Variants in GNA11 observed in about 807,000 individuals in gnomAD.
The protein encoded by GNA11 is guanine nucleotide-binding protein subunit alpha-11.
A neutral mutation model predicts 38.2 loss-of-function variants in GNA11; 8 were observed. That is an observed-to-expected ratio of 0.21 (90% CI 0.12 to 0.38). GNA11 has a LOEUF of 0.38. GNA11 is among the 10% of genes least tolerant of loss of function. The pLI is 1.00. For missense variants in GNA11, 268 were observed against 516.3 expected (o/e 0.52, Z 4.66); for synonymous variants, 211 against 221.4 (o/e 0.95, Z 0.42).
intron 1 of GNA11, among the ~76,000 whole-genome samples, chr19:3,105,078 G>C (rs1423630403): frequency 1.3e-5 from 2 of 149,486 alleles, no homozygotes; most frequent in African/African-American, 4.9e-5. Flanking sequence ...GTGTGGCCTC[G>C]TGGCAGGGAG....
chr19:3,102,369 G>A (rs1913526579), intron 1 of GNA11, among the ~76,000 whole-genome samples: 1 of 152,200 alleles, frequency 6.6e-6, no homozygotes, highest in South Asian at 2.1e-4. Flanking sequence ...CGCTGCCCCT[G>A]GCTGTCATGC....
In GNA11 at chr19:3,110,350, C is replaced by T. The variant is rs904056028; in HGVS notation, c.321+17C>T. On this transcript the variant is annotated intron_variant, in intron 2 of 6. Coordinates refer to ENST00000078429, the MANE Select transcript of GNA11 (RefSeq NM_002067.5). The surrounding 1 kb of genome is among the most constrained non-coding windows in gnomAD (Gnocchi z 5.4). ...CAGAACAAGGTGAGCCCGCGGGCGC[C>T]TGGGGAGGGGAGCGCCTGGGCAGCT... 3 of 1,594,194 alleles carry T rather than the reference C, an allele frequency of 1.9e-6. No individual in the cohort carries two copies. The highest frequency in any genetic ancestry group is 4.5e-5 in the East Asian group (2 of 44,450).
chr19:3,121,252 G>C lies in GNA11; in HGVS notation c.*73G>C. 1 of 1,248,698 alleles carries C rather than the reference G, an allele frequency of 8.0e-7. No homozygotes were observed. The highest frequency in any genetic ancestry group is 1.5e-5 in the African/African-American group (1 of 66,998). 77.4% of individuals were successfully genotyped at this position (1,248,698 alleles called of 1,614,324 possible). A position where few individuals can be genotyped will look rare whatever the true frequency, so the allele number is the denominator to read the frequency against. ...CTTCCACGGAGCCTGCGGCTGCCGG[G>C]CGGGTGGCGCTGCCGAGTCCGGGCC... On this transcript the variant is annotated 3_prime_UTR_variant, in exon 7 of 7. Coordinates refer to ENST00000078429, the MANE Select transcript of GNA11 (RefSeq NM_002067.5).
chr19:3,118,829 G>A lies in GNA11; in HGVS notation c.606-95G>A, dbSNP rs746676401. The A allele has an allele frequency of 1.9e-4, 209 of 1,122,532 alleles. 1 individual carries two copies. Among genetic ancestry groups the A allele is most frequent in the Admixed American group, 4.8e-4 (27 of 56,726 alleles). 69.5% of individuals were successfully genotyped at this position (1,122,532 alleles called of 1,614,324 possible). Reference sequence around the variant, plus strand: ...TCCTGCTCCAGCCGATGTCAGTCTGGTGTGGCAGGAGGGGCTTGGGTGGGA... The same window carrying A: ...TCCTGCTCCAGCCGATGTCAGTCTGATGTGGCAGGAGGGGCTTGGGTGGGA... On this transcript the variant is annotated intron_variant, in intron 4 of 6. Transcript: ENST00000078429.
intron 4 of GNA11, among the ~76,000 whole-genome samples, chr19:3,115,691 G>C (rs977519228): frequency 3.6e-4 from 55 of 150,892 alleles, no homozygotes; most frequent in African/African-American, 1.3e-3. Flanking sequence ...TGGTGCGGGA[G>C]GGGTCATAGG....
At chr19:3,105,277 G>A (rs376520230) in intron 1 of GNA11, among the ~76,000 whole-genome samples, 71 of 152,140 alleles carry the variant, frequency 4.7e-4, no homozygotes, top group Admixed American at 7.8e-4. Flanking sequence ...TTTTGTCACC[G>A]TCTCAGTCAG....
chr19:3,099,736 T>C (rs1480378254), intron 1 of GNA11, among the ~76,000 whole-genome samples: 1 of 152,186 alleles, frequency 6.6e-6, no homozygotes, highest in African/African-American at 2.4e-5. Flanking sequence ...TGGTCTCTGC[T>C]GTGGGGGTTC....
intron 1 of GNA11, among the ~76,000 whole-genome samples, chr19:3,104,220 G>C (rs1048165640): frequency 6.6e-6 from 1 of 152,222 alleles, no homozygotes; most frequent in Admixed American, 6.5e-5. Flanking sequence ...CTTTCCCACC[G>C]GGGAAAAGGA....
At chr19:3,109,307 C>T (rs918334207) in intron 1 of GNA11, among the ~76,000 whole-genome samples, 27 of 152,302 alleles carry the variant, frequency 1.8e-4, no homozygotes, top group East Asian at 1.2e-3. Flanking sequence ...GTGTGGGGGG[C>T]TCATCTGGAG....
In GNA11 at chr19:3,094,691, G is replaced by A; in HGVS notation, c.40G>A (p.Glu14Lys). The A allele has an allele frequency of 6.4e-7, 1 of 1,573,850 alleles. No individual in the cohort carries two copies. Among genetic ancestry groups the A allele is most frequent in the East Asian group, 2.5e-5 (1 of 40,276 alleles). ...ESMMACCLSDEVKESKRINAE... is the reference protein window; with the variant it reads ...ESMMACCLSDKVKESKRINAE... ...CATGATGGCGTGTTGCCTGAGCGAT[G>A]AGGTGAAGGAGTCCAAGCGGATCAA... The change falls in exon 1 of 7, where the codon GAG (glutamate) becomes AAG (lysine). Residue 14 changes from glutamate to lysine, a missense_variant. Glu to Lys is a moderately conservative substitution (Grantham distance 56). This residue lies in a region of GNA11 where 151 missense variants were observed against 254.0 expected (regional missense o/e 0.59). Transcript: ENST00000078429. This position sits in a 1 kb window ranked among gnomAD's most constrained non-coding sequence, Gnocchi z 6.0.
intron 1 of GNA11, among the ~76,000 whole-genome samples, chr19:3,095,524 C>A (rs1014546114): frequency 6.6e-6 from 1 of 151,608 alleles, no homozygotes; most frequent in Non-Finnish European, 1.5e-5. Flanking sequence ...GCCCTGTACA[C>A]CCCCCCATCC....
intron 1 of GNA11, among the ~76,000 whole-genome samples, chr19:3,106,203 G>A (rs530201272): frequency 3.9e-4 from 59 of 152,242 alleles, no homozygotes; most frequent in East Asian, 1.4e-3. Flanking sequence ...GCTGACCAGG[G>A]CCCTGGATGT....
chr19:3,121,803 T>C lies in GNA11; in HGVS notation c.*624T>C. On this transcript the variant is annotated 3_prime_UTR_variant, in exon 7 of 7. Transcript: ENST00000078429. ...GACTCCTGAAGAGGGGGTGGGGGGC[T>C]CCCTCGGTCGCCCACCCTGGGAAGT... The C allele has an allele frequency of 6.0e-6, 1 of 165,622 alleles. No homozygotes were observed. Among genetic ancestry groups the C allele is most frequent in the Non-Finnish European group, 1.3e-5 (1 of 76,894 alleles). The allele number at this position is 165,622 out of a possible 1,614,324, so 10.3% of individuals were successfully genotyped here.
rs760497682 is a variant in GNA11 at position 3,103,519 on chromosome 19, C to CTTTTTTTTTTTT, written c.137-6610_137-6599dup. ...TGAGCCACTGCGCCCGGCCTTGAAT[C>CTTTTTTTTTTTT]TTTTTTTTTTTTTTTTTTTTTTTTT... On this transcript the variant is annotated intron_variant, in intron 1 of 6. Transcript: ENST00000078429. Among the ~76,000 whole-genome samples the CTTTTTTTTTTTT allele has an allele frequency of 1.8e-3, 83 of 45,814 alleles. 21 individuals are homozygous for CTTTTTTTTTTTT. The highest frequency in any genetic ancestry group is 2.5e-3 in the Non-Finnish European group (64 of 25,132). 30.1% of individuals were successfully genotyped at this position (45,814 alleles called of 152,430 possible).
In GNA11 at chr19:3,110,484, T is replaced by G; in HGVS notation, c.321+151T>G. The G allele has an allele frequency of 1.6e-6, 1 of 626,308 alleles. No individual in the cohort carries two copies. Among genetic ancestry groups the G allele is most frequent in the South Asian group, 2.0e-5 (1 of 50,306 alleles). 38.8% of individuals were successfully genotyped at this position (626,308 alleles called of 1,614,324 possible). A position where few individuals can be genotyped will look rare whatever the true frequency, so the allele number is the denominator to read the frequency against. Reference sequence around the variant, plus strand: ...CATCCATCCGTTCCTGTCATGGACATGGAAACAGCAACCGCTGACTTCCTG... The same window carrying G: ...CATCCATCCGTTCCTGTCATGGACAGGGAAACAGCAACCGCTGACTTCCTG... On this transcript the variant is annotated intron_variant, in intron 2 of 6. Transcript: ENST00000078429. The surrounding 1 kb of genome is among the most constrained non-coding windows in gnomAD (Gnocchi z 5.4).
intron 1 of GNA11, among the ~76,000 whole-genome samples, chr19:3,099,548 C>G (rs1433413849): frequency 6.6e-6 from 1 of 152,150 alleles, no homozygotes; most frequent in African/African-American, 2.4e-5. Flanking sequence ...GCCCGGGGGG[C>G]CTCCCACCAT....
At chr19:3,116,327 C>T (rs755968216) in intron 4 of GNA11, among the ~76,000 whole-genome samples, 21 of 152,312 alleles carry the variant, frequency 1.4e-4, no homozygotes, top group Non-Finnish European at 2.4e-4. Flanking sequence ...AGACTCCCAC[C>T]GCAGGCCTTA....
intron 4 of GNA11, chr19:3,117,391 CT>C (rs1380664376): frequency 1.3e-5 from 2 of 152,274 alleles, no homozygotes; most frequent in African/African-American, 2.4e-5. Flanking sequence ...GTGCCCTTTT[CT>C]TTTTTTTGAG....
At position 3,108,163 on chromosome 19, in the gene GNA11, A is replaced by G. The variant is rs879480347; in HGVS notation, c.137-1986A>G. 1.3e-5 allele frequency among the ~76,000 whole-genome samples: 2 copies of G among 152,192 alleles called. No homozygotes were observed. Among genetic ancestry groups the G allele is most frequent in the African/African-American group, 2.4e-5 (1 of 41,438 alleles). ...CACAGGGAGCTCAGGTGCTGTGGGC[A>G]GTTCCTGGGCTTTGTCGAGGGCCTC... is the stretch of plus-strand genomic sequence containing the variant. On this transcript the variant is annotated intron_variant, in intron 1 of 6. Transcript: ENST00000078429. This position sits in a 1 kb window ranked among gnomAD's most constrained non-coding sequence, Gnocchi z 4.5.
Sources: allele counts gnomAD v4.1 joint callset (sites outside exome capture counted in the v4.1 genomes callset), GRCh38; gene constraint gnomAD v4.1.1; regional missense constraint gnomAD v4.1.1; non-coding constraint Gnocchi (gnomAD v3.1); transcripts MANE v1.5; gene names NCBI Gene and HGNC (gene_info 2026-07-23, HGNC 2026-07-21).